The following FPR3 variants were observed in gnomAD, a reference collection of about 807,000 sequenced individuals.
The protein encoded by FPR3 is N-formyl peptide receptor 3.
For missense variants in FPR3, 346 were observed against 443.2 expected, an observed-to-expected ratio of 0.78 and a Z score of 1.97; for synonymous variants, 135 against 163.6, an observed-to-expected ratio of 0.83 and a Z score of 1.34.
rs753127261 is a variant in FPR3 at position 51,797,877 on chromosome 19, C to CTTTTTTTTTTTTTTTTTT, written c.-11+2552_-11+2569dup. 2.0e-3 allele frequency among the ~76,000 whole-genome samples: 140 copies of CTTTTTTTTTTTTTTTTTT among 71,510 alleles called. 26 individuals are homozygous for CTTTTTTTTTTTTTTTTTT. Among genetic ancestry groups the CTTTTTTTTTTTTTTTTTT allele is most frequent in the East Asian group, 2.6e-3 (5 of 1,940 alleles). The allele number at this position is 71,510 out of a possible 152,430, so 46.9% of individuals were successfully genotyped here. ...ATCCTAGATGATTTCCATGTCTATT[C>CTTTTTTTTTTTTTTTTTT]TTTTTTTTTTTTTTTTTTTTTTTGA... is the stretch of plus-strand genomic sequence containing the variant. On this transcript the variant is annotated intron_variant, in intron 1 of 1. Transcript: ENST00000339223.
At chr19:51,795,501 ATTCTTT>A (rs1183976636) in intron 1 of FPR3, among the ~76,000 whole-genome samples, 170 bp downstream of exon 1, 2 of 77,076 alleles carry the variant, frequency 2.6e-5, no homozygotes, top group African/African-American at 1.2e-4. Flanking sequence ...TTCCAGTAAC[ATTCTTT>A]TTTTTTTTTT....
chr19:51,819,268 A>G (rs1186324870), intron 1 of FPR3, among the ~76,000 whole-genome samples: 7 of 152,192 alleles, frequency 4.6e-5, no homozygotes, highest in Admixed American at 3.9e-4. Context: ...CAAGAAGTCA[A>G]TTGGTTATAT....
At chr19:51,801,627 A>G (rs1230795482) in intron 1 of FPR3, among the ~76,000 whole-genome samples, 2 of 152,216 alleles carry the variant, frequency 1.3e-5, no homozygotes, top group African/African-American at 4.8e-5. Flanking sequence ...CTAAAAGTAC[A>G]GAAATTAACC....
At chr19:51,798,947 T>C (rs192527696) in intron 1 of FPR3, among the ~76,000 whole-genome samples, 140 of 152,106 alleles carry the variant, frequency 9.2e-4, no homozygotes, top group Non-Finnish European at 1.0e-3. Flanking sequence ...AAACCCCATC[T>C]CTACTAAAAA....
At position 51,826,055 on chromosome 19, in the gene FPR3, T is replaced by C. The variant is rs2084230194; in HGVS notation, c.*1245T>C. ...TTAAATCATGAATGAATGTTGAATT[T>C]TATTAAATGCAGTTTCTGTAAATAT... On this transcript the variant is annotated 3_prime_UTR_variant, in exon 2 of 2. Coordinates refer to ENST00000339223, the MANE Select transcript of FPR3 (RefSeq NM_002030.5). 1 of 163,020 alleles carries C rather than the reference T, an allele frequency of 6.1e-6. No homozygotes were observed. Among genetic ancestry groups the C allele is most frequent in the Admixed American group, 6.5e-5 (1 of 15,280 alleles). The allele number at this position is 163,020 out of a possible 1,614,324, so 10.1% of individuals were successfully genotyped here. A position where few individuals can be genotyped will look rare whatever the true frequency, so the allele number is the denominator to read the frequency against.
At chr19:51,823,662 T>A in intron 1 of FPR3, 77 bp from the exon 2 acceptor site, 1 of 1,123,468 alleles carries the variant, frequency 8.9e-7, no homozygotes. Flanking sequence ...GAGGAGGAGC[T>A]ACAGTGGAAG....
Position 51,826,028 on chromosome 19 carries a change from G to A in FPR3, c.*1218G>A, listed in dbSNP as rs2084230062. 6.0e-6 allele frequency: 1 copy of A among 165,568 alleles called. No individual in the cohort carries two copies. The highest frequency in any genetic ancestry group is 1.9e-4 in the East Asian group (1 of 5,196). 10.3% of individuals were successfully genotyped at this position (165,568 alleles called of 1,614,324 possible). A position where few individuals can be genotyped will look rare whatever the true frequency, so the allele number is the denominator to read the frequency against. ...TATTTGTTAAGAGTTTTCTTTTATTGTTTAAATCATGAATGAATGTTGAAT... is the reference window on the plus strand; with the variant it reads ...TATTTGTTAAGAGTTTTCTTTTATTATTTAAATCATGAATGAATGTTGAAT... On this transcript the variant is annotated 3_prime_UTR_variant, in exon 2 of 2. Transcript: ENST00000339223.
chr19:51,797,877 C>CTTTTCTTTTTTTT (rs2084008836), intron 1 of FPR3, among the ~76,000 whole-genome samples: 1 of 71,518 alleles, frequency 1.4e-5, no homozygotes, highest in Non-Finnish European at 2.4e-5. Flanking sequence ...CATGTCTATT[C>CTTTTCTTTTTTTT]TTTTTTTTTT....
intron 1 of FPR3, among the ~76,000 whole-genome samples, chr19:51,809,189 T>C (rs1270355520): frequency 1.3e-5 from 2 of 152,326 alleles, no homozygotes; most frequent in East Asian, 1.9e-4. Flanking sequence ...CTCAACCCCA[T>C]AAATTGATAG....
At chr19:51,803,374 A>G (rs550228455) in intron 1 of FPR3, among the ~76,000 whole-genome samples, 39 of 152,256 alleles carry the variant, frequency 2.6e-4, no homozygotes, top group African/African-American at 8.9e-4. Flanking sequence ...CCACAAAAAC[A>G]CTCAGAAATT....
intron 1 of FPR3, among the ~76,000 whole-genome samples, chr19:51,812,907 G>A (rs942258950): frequency 1.3e-5 from 2 of 152,080 alleles, no homozygotes; most frequent in Non-Finnish European, 2.9e-5. Context: ...AATCACCTGA[G>A]GTTACAAGTT....
At chr19:51,822,716 A>G (rs2084199460) in intron 1 of FPR3, among the ~76,000 whole-genome samples, 1 of 152,234 alleles carries the variant, frequency 6.6e-6, no homozygotes, top group South Asian at 2.1e-4. Flanking sequence ...CTAAATATTC[A>G]TGCTCATTCT....
intron 1 of FPR3, among the ~76,000 whole-genome samples, chr19:51,817,517 T>TC (rs1364422157): frequency 1.4e-5 from 1 of 73,128 alleles, no homozygotes; most frequent in South Asian, 6.3e-4. Flanking sequence ...ATCTGTTTTG[T>TC]TTTTTTTTTT....
intron 1 of FPR3, among the ~76,000 whole-genome samples, chr19:51,799,748 G>A (rs916351830): frequency 6.6e-5 from 10 of 152,216 alleles, no homozygotes; most frequent in Non-Finnish European, 1.2e-4. Context: ...GTTTCCCTGT[G>A]GGACATCAGA....
chr19:51,819,599 G>A (rs928400256), intron 1 of FPR3, among the ~76,000 whole-genome samples: 3 of 152,186 alleles, frequency 2.0e-5, no homozygotes, highest in African/African-American at 7.2e-5. Flanking sequence ...TTGGCAGTCT[G>A]GAGGTCATGT....
intron 1 of FPR3, among the ~76,000 whole-genome samples, chr19:51,808,024 T>C (rs2084071989): frequency 6.6e-6 from 1 of 152,216 alleles, no homozygotes; most frequent in African/African-American, 2.4e-5. Flanking sequence ...GTAGGAAGAA[T>C]AAACAAAAGC....
At chr19:51,802,314 G>A (rs930155178) in intron 1 of FPR3, among the ~76,000 whole-genome samples, 2 of 152,096 alleles carry the variant, frequency 1.3e-5, no homozygotes, top group Non-Finnish European at 2.9e-5. Flanking sequence ...TACCAACACT[G>A]CTTCACCTCC....
At chr19:51,802,411 C>T (rs983373833) in intron 1 of FPR3, among the ~76,000 whole-genome samples, 1 of 152,124 alleles carries the variant, frequency 6.6e-6, no homozygotes, top group Non-Finnish European at 1.5e-5. Flanking sequence ...CCAGTCCCAG[C>T]TTTATCTACC....
At chr19:51,818,264 A>G (rs1324344726) in intron 1 of FPR3, among the ~76,000 whole-genome samples, 27 of 152,204 alleles carry the variant, frequency 1.8e-4, no homozygotes, top group Non-Finnish European at 4.4e-5. Context: ...TGTTCCAATG[A>G]TACCCTTTTT....
Sources: gnomAD v4.1 joint callset for allele counts (sites outside exome capture counted in the v4.1 genomes callset) on GRCh38, gnomAD v4.1.1 for gene constraint, MANE v1.5 for transcripts, NCBI Gene and HGNC (gene_info 2026-07-23, HGNC 2026-07-21) for gene names.